Variants in NCAM2 observed in about 807,000 individuals in gnomAD.
The protein encoded by NCAM2 is N-CAM-2.
A neutral mutation model predicts 98.1 loss-of-function variants in NCAM2; 30 were observed. The observed-to-expected ratio is 0.31, with a 90% CI of 0.23 to 0.41. The LOEUF is 0.41. NCAM2 is among the 10% of genes least tolerant of loss of function. The probability of loss-of-function intolerance (pLI) is 1.00; values close to 1 mark genes in which losing one functional copy is unlikely to be tolerated. For missense variants in NCAM2, 867 were observed against 1,005.8 expected, an observed-to-expected ratio of 0.86 and a Z score of 1.87; for synonymous variants, 368 against 342.4, an observed-to-expected ratio of 1.07 and a Z score of -0.83.
At chr21:21,243,434 A>G (rs1448702547) in intron 1 of NCAM2, among the ~76,000 whole-genome samples, 1 of 152,138 alleles carries the variant, frequency 6.6e-6, no homozygotes, top group African/African-American at 2.4e-5. Context: ...GTGCTATATT[A>G]CCCTTTTTGG....
intron 12 of NCAM2, among the ~76,000 whole-genome samples, chr21:21,464,525 C>T (rs912494897): frequency 3.9e-5 from 6 of 152,074 alleles, no homozygotes; most frequent in Non-Finnish European, 8.8e-5. Context: ...GACCACATCT[C>T]TATTAAAACC....
At chr21:21,194,069 A>G (rs2068920155) in intron 1 of NCAM2, among the ~76,000 whole-genome samples, 1 of 152,190 alleles carries the variant, frequency 6.6e-6, no homozygotes, top group Non-Finnish European at 1.5e-5. Flanking sequence ...ATATGATGAC[A>G]CGTACAACCT....
intron 16 of NCAM2, 74 bp from the exon 17 acceptor site, chr21:21,534,463 T>C (rs981482331): frequency 7.8e-7 from 1 of 1,280,802 alleles, no homozygotes; most frequent in African/African-American, 1.5e-5. Flanking sequence ...TTGGGTGATT[T>C]TAAACTCTGT....
At position 21,429,747 on chromosome 21, in the gene NCAM2, CTT is replaced by C. The variant is rs571443614; in HGVS notation, c.1481-2358_1481-2357del. On this transcript the variant is annotated intron_variant, in intron 11 of 17. Transcript: ENST00000400546. ...AGATATGATTTTAATAGTTCTAAGA[CTT>C]TTGGATGCATCAGAATTCTACACGT... 4.1e-4 allele frequency among the ~76,000 whole-genome samples: 63 copies of C among 152,204 alleles called. No homozygotes were observed. In the South Asian group the frequency reaches 0.012, roughly 29 times the overall value.
intron 16 of NCAM2, among the ~76,000 whole-genome samples, chr21:21,525,355 GTCAT>G (rs1989265730): frequency 6.6e-6 from 1 of 152,034 alleles, no homozygotes; most frequent in Non-Finnish European, 1.5e-5. Context: ...AGACAGCATT[GTCAT>G]TCAAAGGATA....
At chr21:21,388,000 G>A (rs938181532) in intron 9 of NCAM2, among the ~76,000 whole-genome samples, 2 of 152,172 alleles carry the variant, frequency 1.3e-5, no homozygotes, top group African/African-American at 2.4e-5. Context: ...GTTGGAAACT[G>A]CTGATCAAAG....
At chr21:21,073,216 A>G (rs893708266) in intron 1 of NCAM2, among the ~76,000 whole-genome samples, 1 of 152,124 alleles carries the variant, frequency 6.6e-6, no homozygotes, top group African/African-American at 2.4e-5. Flanking sequence ...TTGTCCATTT[A>G]TCTATTGATG....
intron 9 of NCAM2, among the ~76,000 whole-genome samples, chr21:21,378,175 C>CT (rs71322052): frequency 5.4e-5 from 8 of 148,468 alleles, no homozygotes; most frequent in South Asian, 2.1e-4. Context: ...CAGGTACAGA[C>CT]TTTTTTTTTT....
At chr21:21,314,477 T>C (rs1373058094) in intron 5 of NCAM2, among the ~76,000 whole-genome samples, 1 of 152,136 alleles carries the variant, frequency 6.6e-6, no homozygotes, top group Non-Finnish European at 1.5e-5. Flanking sequence ...TGGGTTTTTC[T>C]TGGGTTCGAT....
At chr21:21,118,202 C>T (rs887818554) in intron 1 of NCAM2, among the ~76,000 whole-genome samples, 1 of 152,174 alleles carries the variant, frequency 6.6e-6, no homozygotes, top group East Asian at 1.9e-4. Flanking sequence ...GAATGCATCA[C>T]CTTTTTCTTG....
At chr21:21,107,187 C>T (rs2066366838) in intron 1 of NCAM2, among the ~76,000 whole-genome samples, 1 of 152,074 alleles carries the variant, frequency 6.6e-6, no homozygotes, top group South Asian at 2.1e-4. Context: ...TTACATTTCA[C>T]ATGTATTATT....
intron 5 of NCAM2, among the ~76,000 whole-genome samples, chr21:21,306,054 G>C (rs1185721882): frequency 6.6e-6 from 1 of 152,084 alleles, no homozygotes; most frequent in Non-Finnish European, 1.5e-5. Context: ...GGATTTTCCA[G>C]AGATAGTTCT....
intron 15 of NCAM2, among the ~76,000 whole-genome samples, chr21:21,497,366 G>A (rs987895626): frequency 2.0e-5 from 3 of 152,006 alleles, no homozygotes; most frequent in African/African-American, 7.2e-5. Flanking sequence ...ATTCTAAAAG[G>A]TATACAGTTT....
chr21:21,000,445 A>G (rs548837385), intron 1 of NCAM2, among the ~76,000 whole-genome samples: 10 of 152,340 alleles, frequency 6.6e-5, no homozygotes, highest in Admixed American at 2.0e-4. Context: ...ATAGGAAATT[A>G]GAAATGTTTA....
At chr21:21,471,116 G>A (rs1461949443) in intron 14 of NCAM2, among the ~76,000 whole-genome samples, 1 of 151,908 alleles carries the variant, frequency 6.6e-6, no homozygotes, top group East Asian at 1.9e-4. Context: ...CTGGGCAAGA[G>A]GCAACCCCTC....
At chr21:21,061,600 T>A (rs1410847871) in intron 1 of NCAM2, among the ~76,000 whole-genome samples, 4 of 151,552 alleles carry the variant, frequency 2.6e-5, no homozygotes, top group Non-Finnish European at 1.5e-5. Flanking sequence ...TATGTTGGAA[T>A]CATACAGCCT....
At position 21,266,134 on chromosome 21, in the gene NCAM2, GA is replaced by G. The variant is rs2072262172; in HGVS notation, c.56-14443del. ...ACCTGATATTTTAAAAAAATGGTTT[GA>G]TTTTAAAAACCCTTTCAAAAATATG... is the stretch of plus-strand genomic sequence containing the variant. On this transcript the variant is annotated intron_variant, in intron 1 of 17. Coordinates refer to ENST00000400546, the MANE Select transcript of NCAM2 (RefSeq NM_004540.5). Among the ~76,000 whole-genome samples the G allele has an allele frequency of 2.0e-5, 3 of 151,944 alleles. No individual in the cohort carries two copies. In the South Asian group the frequency reaches 6.2e-4, roughly 31 times the overall value.
At chr21:21,259,101 A>G (rs1163330608) in intron 1 of NCAM2, among the ~76,000 whole-genome samples, 1 of 152,020 alleles carries the variant, frequency 6.6e-6, no homozygotes, top group Non-Finnish European at 1.5e-5. Flanking sequence ...TGCTCTTCAC[A>G]CTTTTTGCGG....
intron 9 of NCAM2, among the ~76,000 whole-genome samples, chr21:21,394,728 C>G (rs1299731850): frequency 6.6e-6 from 1 of 151,644 alleles, no homozygotes; most frequent in African/African-American, 2.4e-5. Flanking sequence ...ACCTCGTGAT[C>G]CTCCTGCCTC....
Sources: gnomAD v4.1 joint callset for allele counts (sites outside exome capture counted in the v4.1 genomes callset) on GRCh38, gnomAD v4.1.1 for gene constraint, MANE v1.5 for transcripts, NCBI Gene and HGNC (gene_info 2026-07-23, HGNC 2026-07-21) for gene names.